The following AGBL4 variants were observed in gnomAD, a reference collection of about 807,000 sequenced individuals.
AGBL4 encodes the protein AGBL carboxypeptidase 4.
In AGBL4, 58 loss-of-function variants were observed where a neutral mutation model predicts 66.4. The observed-to-expected ratio is 0.87, with a 90% confidence interval of 0.71 to 1.09. AGBL4 has a LOEUF of 1.09. AGBL4 is among the 50% of genes least tolerant of loss of function. AGBL4 has a pLI of 0.00. For missense variants in AGBL4, 579 were observed against 631.0 expected (o/e 0.92, Z 0.88); for synonymous variants, 234 against 222.9 (o/e 1.05, Z -0.44).
At chr1:49,613,576 C>A (rs1194105633) in intron 3 of AGBL4, among the ~76,000 whole-genome samples, 2 of 152,134 alleles carry the variant, frequency 1.3e-5, no homozygotes, top group Admixed American at 6.6e-5. Flanking sequence ...GGAGTACAAA[C>A]CCTATTGTGA....
chr1:49,841,915 G>C, intron 2 of AGBL4: 1 of 630,044 alleles, frequency 1.6e-6, no homozygotes, highest in Non-Finnish European at 2.9e-6. Context: ...TGTCTCCACA[G>C]ACCCAGTGAG....
intron 5 of AGBL4, among the ~76,000 whole-genome samples, chr1:48,931,064 G>T (rs75494203): frequency 6.6e-6 from 1 of 152,176 alleles, no homozygotes; most frequent in Non-Finnish European, 1.5e-5. Context: ...TAACAAAATT[G>T]AGCCCCAAAA....
intron 4 of AGBL4, among the ~76,000 whole-genome samples, chr1:49,186,835 T>C (rs766258811): frequency 1.8e-4 from 28 of 152,084 alleles, no homozygotes; most frequent in Non-Finnish European, 3.8e-4. Context: ...TGGGCATAAC[T>C]GGATGGTTGA....
chr1:49,291,126 G>C (rs1557811337), intron 3 of AGBL4, among the ~76,000 whole-genome samples: 1 of 152,122 alleles, frequency 6.6e-6, no homozygotes, highest in Non-Finnish European at 1.5e-5. Flanking sequence ...AGGAGGTCCT[G>C]GAAGAAATCC....
intron 5 of AGBL4, among the ~76,000 whole-genome samples, chr1:48,873,304 C>G (rs1428906498): frequency 1.3e-5 from 2 of 152,164 alleles, no homozygotes; most frequent in Non-Finnish European, 2.9e-5. Flanking sequence ...GTTGTTCCCT[C>G]TAATTGGAAC....
At chr1:48,776,787 C>T (rs1459849563) in intron 6 of AGBL4, 1 of 1,525,300 alleles carries the variant, frequency 6.6e-7, no homozygotes, top group East Asian at 2.7e-5. Flanking sequence ...ACACGGGCAG[C>T]GCGTAGCAGA....
chr1:48,568,043 T>C (rs1644503376), intron 11 of AGBL4, among the ~76,000 whole-genome samples: 1 of 152,084 alleles, frequency 6.6e-6, no homozygotes, highest in Non-Finnish European at 1.5e-5. Context: ...GATGCTGAGG[T>C]CCTCACAGGT....
At chr1:48,559,306 C>T (rs1644363397) in intron 11 of AGBL4, among the ~76,000 whole-genome samples, 1 of 152,168 alleles carries the variant, frequency 6.6e-6, no homozygotes, top group Non-Finnish European at 1.5e-5. Flanking sequence ...TCTCCCTTAG[C>T]CCACAGTTAG....
At chr1:48,644,431 T>G (rs1314026649) in intron 8 of AGBL4, among the ~76,000 whole-genome samples, 1 of 152,130 alleles carries the variant, frequency 6.6e-6, no homozygotes, top group African/African-American at 2.4e-5. Context: ...AGTTATCTCT[T>G]CTCTGGACTG....
intron 6 of AGBL4, among the ~76,000 whole-genome samples, chr1:48,742,000 T>C (rs183682310): frequency 2.0e-5 from 3 of 152,350 alleles, no homozygotes; most frequent in Admixed American, 6.5e-5. Context: ...CCATTACTAA[T>C]AATCTTAAGT....
intron 3 of AGBL4, chr1:49,691,237 CT>C (rs1194993612): frequency 1.3e-5 from 2 of 152,256 alleles, no homozygotes; most frequent in African/African-American, 4.8e-5. Flanking sequence ...TTACTTCATA[CT>C]GAGGTCTGGG....
At chr1:48,541,667 G>C (rs1199329343) in intron 11 of AGBL4, among the ~76,000 whole-genome samples, 1 of 152,196 alleles carries the variant, frequency 6.6e-6, no homozygotes. Context: ...TACTGGGGAG[G>C]CTGAGGCAGG....
intron 3 of AGBL4, among the ~76,000 whole-genome samples, chr1:49,329,327 C>A (rs536635890): frequency 8.4e-4 from 128 of 151,950 alleles, no homozygotes; most frequent in African/African-American, 2.9e-3. Flanking sequence ...AAAACAAAAA[C>A]CTCTCTAAGC....
At chr1:49,797,857 G>A (rs551831023) in intron 2 of AGBL4, among the ~76,000 whole-genome samples, 10 of 151,592 alleles carry the variant, frequency 6.6e-5, no homozygotes, top group South Asian at 2.1e-4. Context: ...TCCGCCTCCC[G>A]CGTTCAAGCG....
At chr1:49,323,972 G>C (rs1057449524) in intron 3 of AGBL4, among the ~76,000 whole-genome samples, 1 of 152,108 alleles carries the variant, frequency 6.6e-6, no homozygotes, top group Non-Finnish European at 1.5e-5. Context: ...AATAGAATTA[G>C]TCAAAACTGT....
chr1:49,583,341 A>G (rs1644582747), intron 3 of AGBL4, among the ~76,000 whole-genome samples: 1 of 152,228 alleles, frequency 6.6e-6, no homozygotes, highest in Non-Finnish European at 1.5e-5. Flanking sequence ...ACCTAGTCCT[A>G]TGTACATCTT....
intron 3 of AGBL4, among the ~76,000 whole-genome samples, chr1:49,691,904 G>C (rs1343583891): frequency 2.0e-5 from 3 of 152,162 alleles, no homozygotes; most frequent in Admixed American, 6.6e-5. Context: ...TTGGAACTCA[G>C]ACTGGCTTTC....
chr1:49,878,632 T>C (rs1023566134), intron 1 of AGBL4, among the ~76,000 whole-genome samples: 27 of 152,082 alleles, frequency 1.8e-4, no homozygotes, highest in Admixed American at 7.9e-4. Context: ...AAAATGTATA[T>C]TCTGTTGATT....
At chr1:49,557,595 C>T (rs75922403) in intron 3 of AGBL4, among the ~76,000 whole-genome samples, 3,561 of 152,218 alleles carry the variant, frequency 0.023, 59 homozygotes, top group Non-Finnish European at 0.034. Context: ...CCAGCCCTAA[C>T]CAGAGGGGAA....
Sources: allele counts gnomAD v4.1 joint callset (sites outside exome capture counted in the v4.1 genomes callset), GRCh38; gene constraint gnomAD v4.1.1; transcripts MANE v1.5; gene names NCBI Gene and HGNC (gene_info 2026-07-23, HGNC 2026-07-21).